Variants in ZFP69B observed in about 807,000 individuals in gnomAD.
ZFP69B encodes zinc finger protein 69 homolog B.
ZFP69B carries 20 observed loss-of-function variants against 19.7 expected under a neutral mutation model. The ratio of observed to expected loss-of-function variants is 1.02; its 90% CI spans 0.71 to 1.48. The LOEUF (loss-of-function observed/expected upper bound fraction) is 1.48. ZFP69B is among the 40% of genes most tolerant of loss of function. ZFP69B has a pLI of 0.00. For synonymous variants in ZFP69B, 220 were observed against 222.7 expected (o/e 0.99, Z 0.11); for missense variants, 583 against 632.6 (o/e 0.92, Z 0.84).
intron 4 of ZFP69B, among the ~76,000 whole-genome samples, chr1:40,461,273 G>C (rs1645282344): frequency 6.6e-6 from 1 of 151,560 alleles, no homozygotes; most frequent in Admixed American, 6.6e-5. Context: ...TATACATTTT[G>C]GTGGGAAATG....
At position 40,454,285 on chromosome 1, in the gene ZFP69B, C is replaced by A; in HGVS notation, c.210C>A (p.Ser70=). The A allele has an allele frequency of 6.4e-7, 1 of 1,574,604 alleles. No individual in the cohort carries two copies. The highest frequency in any genetic ancestry group is 8.6e-7 in the Non-Finnish European group (1 of 1,158,302). ...CCCTTGGATCCCTGACAGCAGAATC[C>A]CAGGTGGGTTGGAGTTTCTGGTCAC... ...RVTLGSLTAE[S]QELLTFKDVS... is the part of the protein sequence containing the mutation. Residue 70 remains serine (S), a synonymous_variant, in exon 2 of 5, where the codon TCC becomes TCA. Transcript: ENST00000361584.
Position 40,454,203 on chromosome 1 carries a change from C to T in ZFP69B, c.128C>T (p.Ala43Val). 1 of 1,595,494 alleles carries T rather than the reference C, an allele frequency of 6.3e-7. No individual in the cohort carries two copies. Among genetic ancestry groups the T allele is most frequent in the South Asian group, 1.2e-5 (1 of 86,868 alleles). The change falls in exon 2 of 5, where the codon GCT (alanine) becomes GTT (valine). Residue 43 changes from alanine (A) to valine (V), a missense_variant and splice_region_variant. Physicochemically the swap from Ala to Val is moderately conservative, Grantham distance 64. Coordinates refer to ENST00000361584, the MANE Select transcript of ZFP69B (RefSeq NM_023070.3). ...EDVTKMFKAE[A>V]LLSQDADETQ... Reference sequence around the variant, plus strand: ...CCTCATGGCTCTTTTCCTTCCCCAGCTCTGCTGTCTCAGGATGCTGATGAG... The same window carrying T: ...CCTCATGGCTCTTTTCCTTCCCCAGTTCTGCTGTCTCAGGATGCTGATGAG...
chr1:40,454,375 T>C, intron 2 of ZFP69B, 87 bp downstream of exon 2: 2 of 955,562 alleles, frequency 2.1e-6, no homozygotes, highest in Non-Finnish European at 1.5e-6. Context: ...CTCAACTTCC[T>C]GGATTGGCTT....
chr1:40,456,456 T>G (rs1424103056), intron 2 of ZFP69B, among the ~76,000 whole-genome samples: 3 of 152,218 alleles, frequency 2.0e-5, no homozygotes, highest in Non-Finnish European at 4.4e-5. Context: ...TCCAGACGTC[T>G]TCATTACTAG....
Position 40,456,990 on chromosome 1 carries a change from G to A in ZFP69B, c.259G>A (p.Glu87Lys). 6 of 1,614,128 alleles carry A rather than the reference G, an allele frequency of 3.7e-6. No homozygotes were observed. The highest frequency in any genetic ancestry group is 5.1e-6 in the Non-Finnish European group (6 of 1,180,004). The stretch of plus-strand genomic sequence containing the variant: ...CGTATCTGTGGACTTCACTCAGGAG[G>A]AGTGGGGGCAGCTGGCCCCTGCTCA... Reference protein sequence around the residue: ...KDVSVDFTQEEWGQLAPAHRN... With the variant: ...KDVSVDFTQEKWGQLAPAHRN... Residue 87 changes from glutamate to lysine, a missense_variant, in exon 3 of 5, where the codon GAG becomes AAG. Transcript: ENST00000361584.
intron 4 of ZFP69B, among the ~76,000 whole-genome samples, chr1:40,461,930 T>G (rs1317129513): frequency 1.3e-5 from 2 of 152,184 alleles, no homozygotes; most frequent in Admixed American, 1.3e-4. Flanking sequence ...CTTTTTTCTT[T>G]GAGGCAGAGG....
chr1:40,456,948 C>T lies in ZFP69B; in HGVS notation c.217C>T (p.Leu73=). ...AGGAACGTATTTGATGTTCTAGGAACTGTTAACCTTCAAGGACGTATCTGT... is the reference window on the plus strand; with the variant it reads ...AGGAACGTATTTGATGTTCTAGGAATTGTTAACCTTCAAGGACGTATCTGT... ...LGSLTAESQE[L]LTFKDVSVDF... The change falls in exon 3 of 5, where the codon CTG becomes TTG. Residue 73 remains leucine (L), a synonymous_variant. Coordinates refer to ENST00000361584, the MANE Select transcript of ZFP69B (RefSeq NM_023070.3). The T allele has an allele frequency of 6.2e-7, 1 of 1,613,432 alleles. No homozygotes were observed. The highest frequency in any genetic ancestry group is 8.5e-7 in the Non-Finnish European group (1 of 1,179,658).
At chr1:40,457,191 A>G (rs1645241237) in intron 3 of ZFP69B, 120 bp downstream of exon 3, 1 of 1,526,216 alleles carries the variant, frequency 6.6e-7, no homozygotes, top group African/African-American at 1.4e-5. Context: ...TTCCTTCTGA[A>G]CACCCAGTCA....
At chr1:40,454,548 A>G (rs1382516536) in intron 2 of ZFP69B, among the ~76,000 whole-genome samples, 2 of 151,870 alleles carry the variant, frequency 1.3e-5, no homozygotes, top group Non-Finnish European at 2.9e-5. Flanking sequence ...ACAGGTGCCC[A>G]CCACCACACC....
intron 1 of ZFP69B, among the ~76,000 whole-genome samples, chr1:40,452,975 G>GTT (rs34206693): frequency 0.01 from 1,331 of 132,934 alleles, 34 homozygotes; most frequent in African/African-American, 0.033. Flanking sequence ...ATTCCTAGTG[G>GTT]TTTTTTTTTT....
intron 1 of ZFP69B, among the ~76,000 whole-genome samples, 191 bp downstream of exon 1, chr1:40,451,279 A>C (rs937061285): frequency 3.9e-5 from 6 of 152,104 alleles, no homozygotes; most frequent in African/African-American, 1.4e-4. Context: ...CCAGTATTTC[A>C]GTGTCATGGT....
At chr1:40,452,210 C>A (rs1313363140) in intron 1 of ZFP69B, among the ~76,000 whole-genome samples, 1 of 152,140 alleles carries the variant, frequency 6.6e-6, no homozygotes, top group Non-Finnish European at 1.5e-5. Context: ...TAATGGGGAA[C>A]AGATACTCAC....
intron 1 of ZFP69B, among the ~76,000 whole-genome samples, chr1:40,453,808 G>A (rs1210118908): frequency 6.6e-6 from 1 of 152,180 alleles, no homozygotes; most frequent in Admixed American, 6.5e-5. Flanking sequence ...GGAGGTGGAA[G>A]TTGCAGTGAA....
intron 2 of ZFP69B, 76 bp downstream of exon 2, chr1:40,454,364 A>T: frequency 9.3e-7 from 1 of 1,070,652 alleles, no homozygotes; most frequent in Non-Finnish European, 1.3e-6. Context: ...ATTTTCTTTG[A>T]CTCAACTTCC....
chr1:40,458,091 A>G (rs768222373), intron 4 of ZFP69B, among the ~76,000 whole-genome samples: 14 of 152,344 alleles, frequency 9.2e-5, no homozygotes, highest in Non-Finnish European at 1.6e-4. Context: ...TAAGTCCCAC[A>G]TTAGCTCTGT....
intron 4 of ZFP69B, 97 bp downstream of exon 4, chr1:40,457,536 G>A (rs2124419200): frequency 1.1e-6 from 1 of 919,394 alleles, no homozygotes; most frequent in South Asian, 1.6e-5. Flanking sequence ...CATGTGGATG[G>A]TACATTCAAG....
At chr1:40,451,656 G>GGT (rs1476847470) in intron 1 of ZFP69B, among the ~76,000 whole-genome samples, 24 of 145,624 alleles carry the variant, frequency 1.6e-4, no homozygotes, top group African/African-American at 5.9e-4. Context: ...AAAGACGTGG[G>GGT]GGGGGGGGAA....
Position 40,462,605 on chromosome 1 carries a change from G to A in ZFP69B, c.621G>A (p.Gly207=). ...SQQENQRMGK[G]QIPLMCKKTF... is the part of the protein sequence containing the mutation. Reference sequence around the variant, plus strand: ...AAGAGAACCAAAGAATGGGTAAGGGGCAAATCCCCCTGATGTGCAAGAAAA... The same window carrying A: ...AAGAGAACCAAAGAATGGGTAAGGGACAAATCCCCCTGATGTGCAAGAAAA... The change falls in exon 5 of 5, where the codon GGG becomes GGA. Residue 207 remains glycine (G), a synonymous_variant. Transcript: ENST00000361584. 5.0e-6 allele frequency: 8 copies of A among 1,614,054 alleles called. No individual in the cohort carries two copies. The highest frequency in any genetic ancestry group is 6.8e-6 in the Non-Finnish European group (8 of 1,179,980).
At chr1:40,455,157 A>G (rs989162052) in intron 2 of ZFP69B, among the ~76,000 whole-genome samples, 1 of 152,200 alleles carries the variant, frequency 6.6e-6, no homozygotes, top group South Asian at 2.1e-4. Flanking sequence ...AAAGGAAGGA[A>G]AACTTCTAAT....
Sources: allele counts gnomAD v4.1 joint callset (sites outside exome capture counted in the v4.1 genomes callset), GRCh38; gene constraint gnomAD v4.1.1; transcripts MANE v1.5; gene names NCBI Gene and HGNC (gene_info 2026-07-23, HGNC 2026-07-21).